The following KANK1 variants were observed in gnomAD, a reference collection of about 807,000 sequenced individuals.
The protein encoded by KANK1 is KN motif and ankyrin repeat domain-containing protein 1.
KANK1 carries 109 observed loss-of-function variants against 106.2 expected under a neutral mutation model. The ratio of observed to expected loss-of-function variants is 1.03; its 90% confidence interval spans 0.88 to 1.20. KANK1 has a LOEUF of 1.20. Ranked by LOEUF, KANK1 falls within the 50% of genes most tolerant of loss-of-function variation. The pLI, the probability that KANK1 is intolerant of heterozygous loss-of-function variation, is 0.00. For synonymous variants in KANK1, 873 were observed against 652.2 expected (o/e 1.34, Z -5.16); for missense variants, 2,399 against 1,710.7 (o/e 1.40, Z -7.10).
intron 2 of KANK1, chr9:684,132 G>C: frequency 1.0e-6 from 1 of 981,092 alleles, no homozygotes; most frequent in Non-Finnish European, 1.2e-6. Flanking sequence ...AAACTCTTAA[G>C]GCTTTGTTTT....
intron 2 of KANK1, among the ~76,000 whole-genome samples, chr9:704,339 C>T (rs912540783): frequency 6.6e-6 from 1 of 152,200 alleles, no homozygotes; most frequent in Non-Finnish European, 1.5e-5. Context: ...TACATCGTTC[C>T]TCCACCCCTA....
At position 596,953 on chromosome 9, in the gene KANK1, G is replaced by A. The variant is rs796676076; in HGVS notation, c.-83-79937G>A. Among the ~76,000 whole-genome samples the A allele has an allele frequency of 1.1e-4, 16 of 151,146 alleles. 1 individual carries two copies. Among genetic ancestry groups the A allele is most frequent in the African/African-American group, 3.9e-4 (16 of 41,098 alleles). ...TCATTAATCTGCTTTCAGTCTCTATGAATTTACAATTCTAGATACCACATG... is the reference window on the plus strand; with the variant it reads ...TCATTAATCTGCTTTCAGTCTCTATAAATTTACAATTCTAGATACCACATG... On this transcript the variant is annotated intron_variant, in intron 1 of 11. Coordinates refer to ENST00000382297, the MANE Select transcript of KANK1 (RefSeq NM_015158.5).
chr9:575,877 G>T, intron 1 of KANK1, among the ~76,000 whole-genome samples: 1 of 152,112 alleles, frequency 6.6e-6, no homozygotes, highest in Non-Finnish European at 1.5e-5. Context: ...ACAAAAATTA[G>T]TCAGATGTAG....
intron 5 of KANK1, chr9:731,514 A>C (rs1255179191): frequency 3.2e-6 from 1 of 315,468 alleles, no homozygotes. Flanking sequence ...CTCTGATCTG[A>C]AAGAAATAGT....
At chr9:596,630 T>C (rs1001319241) in intron 1 of KANK1, among the ~76,000 whole-genome samples, 1 of 151,818 alleles carries the variant, frequency 6.6e-6, no homozygotes, top group Non-Finnish European at 1.5e-5. Flanking sequence ...TACCACTGTC[T>C]CGTTATGTCA....
intron 1 of KANK1, among the ~76,000 whole-genome samples, chr9:634,158 A>G (rs1421959602): frequency 6.6e-6 from 1 of 152,236 alleles, no homozygotes; most frequent in Non-Finnish European, 1.5e-5. Context: ...AGCAATGTGG[A>G]AAATGGAGTT....
chr9:586,505 T>C (rs1007418868), intron 1 of KANK1, among the ~76,000 whole-genome samples: 2 of 152,074 alleles, frequency 1.3e-5, no homozygotes, highest in Admixed American at 6.5e-5. Flanking sequence ...GTGGTGACTG[T>C]TAGTGGAAGG....
chr9:475,744 G>A (rs2132074578), intron 3 of KANK1, among the ~76,000 whole-genome samples: 1 of 152,256 alleles, frequency 6.6e-6, no homozygotes, highest in East Asian at 1.9e-4. Context: ...ATCCTTTGTA[G>A]GGGAAAATTT....
At chr9:727,839 A>C (rs950614264) in intron 3 of KANK1, among the ~76,000 whole-genome samples, 1 of 152,196 alleles carries the variant, frequency 6.6e-6, no homozygotes, top group Non-Finnish European at 1.5e-5. Context: ...TGAAAATTCT[A>C]CAATATATCT....
intron 3 of KANK1, among the ~76,000 whole-genome samples, chr9:488,540 C>CAT (rs577098641): frequency 6.6e-6 from 1 of 152,212 alleles, no homozygotes; most frequent in Non-Finnish European, 1.5e-5. Context: ...AACTCGAACA[C>CAT]ATCAACTAAT....
intron 2 of KANK1, among the ~76,000 whole-genome samples, chr9:710,049 C>CTATTT (rs1825501694): frequency 6.6e-6 from 1 of 152,140 alleles, no homozygotes; most frequent in Non-Finnish European, 1.5e-5. Context: ...ACATTTTAGA[C>CTATTT]TACAAAAGTG....
At chr9:501,603 C>T (rs1214485050), upstream of KANK1, among the ~76,000 whole-genome samples, 2 of 136,470 alleles carry the variant, frequency 1.5e-5, no homozygotes, top group African/African-American at 3.3e-5. Flanking sequence ...TATTCGCCCA[C>T]GCACAGACAT....
At position 706,704 on chromosome 9, in the gene KANK1, A is replaced by G. The variant is rs569345577; in HGVS notation, c.38-4100A>G. The G allele has an allele frequency of 3.8e-6, 3 of 782,010 alleles. No individual in the cohort carries two copies. The South Asian group carries it at 1.7e-4, about 45-fold the overall frequency. 48.4% of individuals were successfully genotyped at this position (782,010 alleles called of 1,614,324 possible). A position where few individuals can be genotyped will look rare whatever the true frequency, so the allele number is the denominator to read the frequency against. The stretch of plus-strand genomic sequence containing the variant: ...TTGAAATTAATGATAAAGGATAACT[A>G]CTTGCCACGTGTCATAAGCCCAGGG... On this transcript the variant is annotated intron_variant, in intron 2 of 11. Coordinates refer to ENST00000382297, the MANE Select transcript of KANK1 (RefSeq NM_015158.5).
At chr9:515,535 C>T (rs1290262878) in intron 1 of KANK1, among the ~76,000 whole-genome samples, 3 of 151,638 alleles carry the variant, frequency 2.0e-5, no homozygotes, top group Admixed American at 2.0e-4. Flanking sequence ...ATGGATAACT[C>T]TACTAGTTCT....
At chr9:598,615 G>GTTTTTTTTTTTTTTTTTTTT (rs1306483082) in intron 1 of KANK1, among the ~76,000 whole-genome samples, 3 of 73,332 alleles carry the variant, frequency 4.1e-5, no homozygotes, top group East Asian at 8.6e-4. Context: ...TGTTTTGTTG[G>GTTTTTTTTTTTTTTTTTTTT]TTTTCTTTTT....
At chr9:596,710 A>T (rs1826308623) in intron 1 of KANK1, among the ~76,000 whole-genome samples, 3 of 151,494 alleles carry the variant, frequency 2.0e-5, no homozygotes, top group African/African-American at 7.3e-5. Flanking sequence ...TTCCCTATAC[A>T]TTTTTTTTAA....
At chr9:665,821 C>G (rs1369284079) in intron 1 of KANK1, among the ~76,000 whole-genome samples, 2 of 151,990 alleles carry the variant, frequency 1.3e-5, no homozygotes, top group Non-Finnish European at 2.9e-5. Context: ...TTTGATTCAT[C>G]TTCTATTTAT....
At chr9:594,558 C>G (rs1189588063) in intron 1 of KANK1, among the ~76,000 whole-genome samples, 2 of 151,756 alleles carry the variant, frequency 1.3e-5, no homozygotes, top group Non-Finnish European at 2.9e-5. Context: ...CTAAAGTGAG[C>G]CAGAAATACT....
rs80053530 is a variant in KANK1 at position 559,931 on chromosome 9, T to C, written c.-84+55177T>C. ...TTTCTGGAACTTTCTTAAGCATTTT[T>C]ACCATGTATTATAGTTATTTGTATT... On this transcript the variant is annotated intron_variant, in intron 1 of 11. Coordinates refer to ENST00000382297, the MANE Select transcript of KANK1 (RefSeq NM_015158.5). Among the ~76,000 whole-genome samples the C allele has an allele frequency of 1.2e-3, 180 of 152,364 alleles. 5 individuals carry two copies. The East Asian group carries it at 0.028, about 23-fold the overall frequency.
Sources: allele counts gnomAD v4.1 joint callset (sites outside exome capture counted in the v4.1 genomes callset), GRCh38; gene constraint gnomAD v4.1.1; transcripts MANE v1.5; gene names NCBI Gene and HGNC (gene_info 2026-07-23, HGNC 2026-07-21).